PRKAR2B: variants seen among roughly 807,000 people sequenced by gnomAD.
PRKAR2B encodes the protein cAMP-dependent protein kinase type II-beta regulatory subunit.
A neutral mutation model predicts 49.9 loss-of-function variants in PRKAR2B; 14 were observed. The observed-to-expected ratio is 0.28, with a 90% CI of 0.19 to 0.44. PRKAR2B has a LOEUF of 0.44. PRKAR2B is among the 20% of genes least tolerant of loss of function. The probability of loss-of-function intolerance (pLI) is 1.00; values close to 1 mark genes in which losing one functional copy is unlikely to be tolerated. For synonymous variants in PRKAR2B, 196 were observed against 197.7 expected (o/e 0.99, Z 0.07); for missense variants, 393 against 537.9 (o/e 0.73, Z 2.67).
chr7:107,104,576 T>TA (rs1347446481), intron 2 of PRKAR2B, among the ~76,000 whole-genome samples: 1 of 152,146 alleles, frequency 6.6e-6, no homozygotes, highest in Admixed American at 6.5e-5. Context: ...ACGCTGAAAA[T>TA]TAATATGGTC....
intron 8 of PRKAR2B, among the ~76,000 whole-genome samples, chr7:107,153,827 A>G (rs1248168552): frequency 2.0e-5 from 3 of 152,262 alleles, no homozygotes; most frequent in African/African-American, 7.2e-5. Context: ...CAGGTAAAGC[A>G]TGCAGATGAT....
intron 1 of PRKAR2B, among the ~76,000 whole-genome samples, chr7:107,067,755 A>G (rs1194271271): frequency 1.3e-5 from 2 of 152,214 alleles, no homozygotes; most frequent in Non-Finnish European, 2.9e-5. Flanking sequence ...TAGTAGTCGC[A>G]TGGTTTTCTG....
In PRKAR2B at chr7:107,075,401, A is replaced by AT. The variant is rs773470781; in HGVS notation, c.343+5101dup. Among the ~76,000 whole-genome samples the AT allele has an allele frequency of 2.8e-3, 390 of 137,812 alleles. 1 individual carries two copies. The highest frequency in any genetic ancestry group is 9.6e-3 in the South Asian group (41 of 4,250). 90.4% of individuals were successfully genotyped at this position (137,812 alleles called of 152,430 possible). A position where few individuals can be genotyped will look rare whatever the true frequency, so the allele number is the denominator to read the frequency against. On this transcript the variant is annotated intron_variant, in intron 2 of 10. Coordinates refer to ENST00000265717, the MANE Select transcript of PRKAR2B (RefSeq NM_002736.3). The stretch of plus-strand genomic sequence containing the variant: ...TAGGTGTAAGCCACCACACCTGGCA[A>AT]TTTTTTTTTTTTTTTTAAGACAGGA...
chr7:107,093,293 G>T (rs954965055), intron 2 of PRKAR2B, among the ~76,000 whole-genome samples: 1 of 152,116 alleles, frequency 6.6e-6, no homozygotes, highest in South Asian at 2.1e-4. Context: ...AGGAACTGCT[G>T]TGCTGTTTTC....
intron 2 of PRKAR2B, among the ~76,000 whole-genome samples, chr7:107,101,932 G>C (rs949030081): frequency 3.1e-5 from 4 of 128,462 alleles, no homozygotes; most frequent in Non-Finnish European, 6.3e-5. Flanking sequence ...TGCCTTTTGA[G>C]ATGAGGACTG....
intron 6 of PRKAR2B, among the ~76,000 whole-genome samples, chr7:107,150,594 T>TAGC (rs1795965901): frequency 3.3e-5 from 5 of 150,336 alleles, no homozygotes; most frequent in Non-Finnish European, 7.4e-5. Context: ...AACAGAGTGC[T>TAGC]AGTATACATA....
At chr7:107,075,611 G>A (rs779031760) in intron 2 of PRKAR2B, among the ~76,000 whole-genome samples, 1 of 151,940 alleles carries the variant, frequency 6.6e-6, no homozygotes, top group Non-Finnish European at 1.5e-5. Flanking sequence ...TGTTGCCCAG[G>A]CTCATCTTGA....
rs200974335 is a variant in PRKAR2B at position 107,115,971 on chromosome 7, A to G, written c.344-5981A>G. The stretch of plus-strand genomic sequence containing the variant: ...CAGCCTTCAGTAAGGAAGTGGAACC[A>G]AGTACTCACTCTCCTGAGGTGGACA... On this transcript the variant is annotated intron_variant, in intron 2 of 10. Coordinates refer to ENST00000265717, the MANE Select transcript of PRKAR2B (RefSeq NM_002736.3). Among the ~76,000 whole-genome samples, 41 of 152,338 alleles carry G rather than the reference A, an allele frequency of 2.7e-4. No homozygotes were observed. In the East Asian group the frequency reaches 7.3e-3, roughly 27 times the overall value.
At chr7:107,078,839 T>A (rs1183453883) in intron 2 of PRKAR2B, among the ~76,000 whole-genome samples, 2 of 152,190 alleles carry the variant, frequency 1.3e-5, no homozygotes, top group Non-Finnish European at 2.9e-5. Flanking sequence ...AGAGTTCTCT[T>A]AGAGCCCCCC....
chr7:107,092,122 T>C (rs1455483061), intron 2 of PRKAR2B, among the ~76,000 whole-genome samples: 2 of 152,148 alleles, frequency 1.3e-5, no homozygotes, highest in Non-Finnish European at 2.9e-5. Context: ...ATGTGGGCTT[T>C]ATTATAGGAA....
At chr7:107,086,931 A>AT (rs1486195722) in intron 2 of PRKAR2B, among the ~76,000 whole-genome samples, 1 of 152,184 alleles carries the variant, frequency 6.6e-6, no homozygotes, top group African/African-American at 2.4e-5. Flanking sequence ...TAACTAACGT[A>AT]TAACAACTAT....
chr7:107,120,183 G>C (rs1795362533), intron 2 of PRKAR2B, among the ~76,000 whole-genome samples: 1 of 152,114 alleles, frequency 6.6e-6, no homozygotes, highest in African/African-American at 2.4e-5. Context: ...GACATTTTGG[G>C]CCAGGTAATT....
chr7:107,101,135 A>ATTTTTTTTTTTTTTTTTTTTTTTTTTTT (rs950761298), intron 2 of PRKAR2B, among the ~76,000 whole-genome samples: 2 of 94,690 alleles, frequency 2.1e-5, no homozygotes, highest in African/African-American at 4.2e-5. Context: ...GTTGTTGCTT[A>ATTTTTTTTTTTTTTTTTTTTTTTTTTTT]TTTTTTTTTT....
chr7:107,049,167 A>G (rs973288206), intron 1 of PRKAR2B, among the ~76,000 whole-genome samples: 3 of 152,196 alleles, frequency 2.0e-5, no homozygotes, highest in Non-Finnish European at 4.4e-5. Flanking sequence ...TAATTTCTTC[A>G]GTGGAATTGC....
rs1246433420 is a variant in PRKAR2B, at chr7:107,145,406, A to G, written c.588-902A>G. Among the ~76,000 whole-genome samples the G allele has an allele frequency of 2.0e-5, 3 of 152,232 alleles. No individual in the cohort carries two copies. In the South Asian group the frequency reaches 6.2e-4, roughly 31 times the overall value. The stretch of plus-strand genomic sequence containing the variant: ...TGGCTAACCAAATTGCTATAGCTAG[A>G]TTCTTTTTAAAAAGTTATTTTCTTC... On this transcript the variant is annotated intron_variant, in intron 5 of 10. Coordinates refer to ENST00000265717, the MANE Select transcript of PRKAR2B (RefSeq NM_002736.3).
chr7:107,071,633 C>T (rs1027061138), intron 2 of PRKAR2B, among the ~76,000 whole-genome samples: 3 of 152,128 alleles, frequency 2.0e-5, no homozygotes, highest in Non-Finnish European at 2.9e-5. Flanking sequence ...TATTGTGATG[C>T]CTTGTCTTCA....
chr7:107,066,108 G>C (rs1794132135), intron 1 of PRKAR2B, among the ~76,000 whole-genome samples: 1 of 152,134 alleles, frequency 6.6e-6, no homozygotes, highest in Non-Finnish European at 1.5e-5. Flanking sequence ...CAGTAGTGTT[G>C]GGGAGAAAGT....
intron 4 of PRKAR2B, among the ~76,000 whole-genome samples, chr7:107,140,266 A>G (rs1378230991): frequency 6.6e-6 from 1 of 152,230 alleles, no homozygotes; most frequent in Admixed American, 6.5e-5. Flanking sequence ...AGCTCAGTGG[A>G]TGCAGCTTGA....
intron 5 of PRKAR2B, among the ~76,000 whole-genome samples, chr7:107,145,733 A>ATTTTTTTT (rs916332834): frequency 2.1e-5 from 2 of 93,416 alleles, no homozygotes; most frequent in African/African-American, 4.7e-5. Flanking sequence ...TCTTCAGATG[A>ATTTTTTTT]TTTTTTTTTT....
Sources: gnomAD v4.1 joint callset for allele counts (sites outside exome capture counted in the v4.1 genomes callset) on GRCh38, gnomAD v4.1.1 for gene constraint, MANE v1.5 for transcripts, NCBI Gene and HGNC (gene_info 2026-07-23, HGNC 2026-07-21) for gene names.